Variants in ZFHX3 observed in about 807,000 individuals in gnomAD.
ZFHX3 encodes the protein zinc finger homeobox 3.
ZFHX3 carries 42 observed loss-of-function variants against 279.1 expected under a neutral mutation model. The observed-to-expected ratio is 0.15, with a 90% CI of 0.12 to 0.19. The LOEUF (loss-of-function observed/expected upper bound fraction) is 0.19, where lower values mean the gene tolerates loss of function less well. ZFHX3 is among the 10% of genes least tolerant of loss of function. The probability of loss-of-function intolerance (pLI) is 1.00; values close to 1 mark genes in which losing one functional copy is unlikely to be tolerated. For synonymous variants in ZFHX3, 2,293 were observed against 1,957.8 expected (o/e 1.17, Z -4.52); for missense variants, 4,981 against 4,754.0 (o/e 1.05, Z -1.40).
chr16:73,867,583 C>T (rs1962058604), intron 1 of ZFHX3, among the ~76,000 whole-genome samples: 1 of 152,142 alleles, frequency 6.6e-6, no homozygotes, highest in Admixed American at 6.5e-5. Context: ...GCTTACAGAC[C>T]AGTGTTCTTT....
chr16:72,896,312 C>T (rs1457320356), intron 3 of ZFHX3, among the ~76,000 whole-genome samples: 2 of 152,144 alleles, frequency 1.3e-5, no homozygotes, highest in East Asian at 1.9e-4. Context: ...GTCTCAGTTT[C>T]GCTGGAAGGG....
chr16:73,425,080 G>A (rs1479491933), intron 3 of ZFHX3, among the ~76,000 whole-genome samples: 4 of 152,130 alleles, frequency 2.6e-5, no homozygotes, highest in Admixed American at 2.6e-4. Flanking sequence ...TCTCTGCCCT[G>A]ACCAGTGCAT....
chr16:73,026,678 A>AAAAAT (rs1435423187), intron 1 of ZFHX3, among the ~76,000 whole-genome samples: 1 of 133,798 alleles, frequency 7.5e-6, no homozygotes, highest in Non-Finnish European at 1.5e-5. Flanking sequence ...TGCCTCAAAA[A>AAAAAT]AAAAAAAAAA....
At chr16:73,697,033 A>G (rs1374951268) in intron 1 of ZFHX3, among the ~76,000 whole-genome samples, 1 of 152,238 alleles carries the variant, frequency 6.6e-6, no homozygotes, top group African/African-American at 2.4e-5. Context: ...TGTAGAAAAA[A>G]GAGAAAATGT....
At chr16:73,361,159 C>T (rs984629647) in intron 3 of ZFHX3, among the ~76,000 whole-genome samples, 10 of 152,212 alleles carry the variant, frequency 6.6e-5, no homozygotes, top group Non-Finnish European at 1.2e-4. Context: ...TAAAGGACTC[C>T]GGTAGGCTGG....
At chr16:72,992,126 C>A (rs1391991638) in intron 1 of ZFHX3, among the ~76,000 whole-genome samples, 1 of 152,146 alleles carries the variant, frequency 6.6e-6, no homozygotes, top group Non-Finnish European at 1.5e-5. Flanking sequence ...ATTAAAAGTC[C>A]CCAACCCACA....
In ZFHX3 at chr16:73,234,341, T is replaced by C. The variant is rs1182821055; in HGVS notation, c.-1104+22706A>G. On this transcript the variant is annotated intron_variant, in intron 5 of 17. Transcript: ENST00000641206. ...CCTCCTCACAATCAGTAAATGGCTG[T>C]CTCCTCTCTCTAAAGCCGGCACAGC... is the stretch of plus-strand genomic sequence containing the variant. Among the ~76,000 whole-genome samples the C allele has an allele frequency of 4.6e-5, 7 of 152,152 alleles. No individual in the cohort carries two copies. The East Asian group carries it at 1.3e-3, about 29-fold the overall frequency.
intron 5 of ZFHX3, among the ~76,000 whole-genome samples, chr16:73,231,096 G>C (rs561578266): frequency 6.6e-6 from 1 of 152,290 alleles, no homozygotes; most frequent in African/African-American, 2.4e-5. Flanking sequence ...CCGAGACCAA[G>C]ACTGGGAGCG....
At chr16:73,170,223 G>GTTTTTTTTTTTTCTTTTTTTTTTTTTT (rs1967487862) in intron 5 of ZFHX3, among the ~76,000 whole-genome samples, 1 of 57,718 alleles carries the variant, frequency 1.7e-5, no homozygotes, top group Non-Finnish European at 2.9e-5. Context: ...CCTTTCACTA[G>GTTTTTTTTTTTTCTTTTTTTTTTTTTT]TTTTTTTTTT....
At chr16:73,378,546 A>C (rs1178561057) in intron 3 of ZFHX3, among the ~76,000 whole-genome samples, 3 of 152,222 alleles carry the variant, frequency 2.0e-5, no homozygotes, top group Admixed American at 1.3e-4. Flanking sequence ...GGTTAAAAAA[A>C]CTATAAAAAT....
At chr16:72,956,427 T>C (rs1314966673) in intron 2 of ZFHX3, among the ~76,000 whole-genome samples, 1 of 152,116 alleles carries the variant, frequency 6.6e-6, no homozygotes, top group East Asian at 1.9e-4. Context: ...GAGGCACGAG[T>C]GGCCCAACTA....
At chr16:73,355,267 A>G (rs2016319355) in intron 3 of ZFHX3, among the ~76,000 whole-genome samples, 4 of 152,160 alleles carry the variant, frequency 2.6e-5, no homozygotes, top group Admixed American at 2.6e-4. Flanking sequence ...CTTCTTATGT[A>G]TGTTTTAATG....
At chr16:72,791,462 G>C (rs2143349058) in intron 9 of ZFHX3, 1 of 152,308 alleles carries the variant, frequency 6.6e-6, no homozygotes, top group Non-Finnish European at 1.5e-5. Context: ...TGACTGACTG[G>C]CTCATATTGG....
intron 4 of ZFHX3, among the ~76,000 whole-genome samples, chr16:73,296,609 C>G (rs915852201): frequency 6.6e-6 from 1 of 152,154 alleles, no homozygotes; most frequent in African/African-American, 2.4e-5. Context: ...CCTCTATTCC[C>G]CAATCCCTTA....
At chr16:73,173,502 T>C (rs1967588932) in intron 5 of ZFHX3, among the ~76,000 whole-genome samples, 1 of 152,104 alleles carries the variant, frequency 6.6e-6, no homozygotes, top group African/African-American at 2.4e-5. Context: ...TGGATTCCTT[T>C]GGCCCTTCCC....
At chr16:73,297,688 T>C (rs1326313529) in intron 4 of ZFHX3, among the ~76,000 whole-genome samples, 6 of 151,982 alleles carry the variant, frequency 3.9e-5, no homozygotes, top group African/African-American at 1.5e-4. Context: ...AGGAGAATGC[T>C]GATGAGCTTT....
chr16:73,579,061 A>T (rs558887783), intron 2 of ZFHX3, among the ~76,000 whole-genome samples: 1 of 152,204 alleles, frequency 6.6e-6, no homozygotes, highest in African/African-American at 2.4e-5. Context: ...TTTACAATCT[A>T]TTCTCTCTGA....
intron 2 of ZFHX3, among the ~76,000 whole-genome samples, chr16:73,581,629 C>A (rs1464770010): frequency 6.9e-6 from 1 of 145,630 alleles, no homozygotes; most frequent in Non-Finnish European, 1.5e-5. Flanking sequence ...ACATCCATAT[C>A]ACTGGTCAAG....
At chr16:73,173,008 G>GTTTTTTTTTTTTTTTTTTTTTT (rs869289153) in intron 5 of ZFHX3, among the ~76,000 whole-genome samples, 1 of 49,944 alleles carries the variant, frequency 2.0e-5, no homozygotes, top group African/African-American at 9.3e-5. Context: ...TTTTTTTTTT[G>GTTTTTTTTTTTTTTTTTTTTTT]TTTTTTTTTT....
Sources: gnomAD v4.1 joint callset for allele counts (sites outside exome capture counted in the v4.1 genomes callset) on GRCh38, gnomAD v4.1.1 for gene constraint, MANE v1.5 for transcripts, NCBI Gene and HGNC (gene_info 2026-07-23, HGNC 2026-07-21) for gene names.